GLI3: variants seen among roughly 807,000 people sequenced by gnomAD.
The protein encoded by GLI3 is transcription activator GLI3.
In GLI3, 20 loss-of-function variants were observed where a neutral mutation model predicts 100.8. That is an observed-to-expected ratio of 0.20 (90% CI 0.14 to 0.29). The LOEUF (loss-of-function observed/expected upper bound fraction) is 0.29, where lower values mean the gene tolerates loss of function less well. GLI3 is among the 10% of genes least tolerant of loss of function. The pLI, the probability that GLI3 is intolerant of heterozygous loss-of-function variation, is 1.00. For synonymous variants in GLI3, 938 were observed against 860.5 expected, an observed-to-expected ratio of 1.09 and a Z score of -1.58; for missense variants, 2,040 against 2,128.5, an observed-to-expected ratio of 0.96 and a Z score of 0.82.
At chr7:42,128,295 T>C (rs1293020031) in intron 3 of GLI3, among the ~76,000 whole-genome samples, 2 of 151,392 alleles carry the variant, frequency 1.3e-5, no homozygotes, top group East Asian at 3.9e-4. Flanking sequence ...TATCAACCTA[T>C]CATGTATTTC....
chr7:42,078,120 A>T (rs559944145), intron 3 of GLI3, among the ~76,000 whole-genome samples: 2 of 152,338 alleles, frequency 1.3e-5, no homozygotes, highest in South Asian at 4.1e-4. Flanking sequence ...AAGAATGCAC[A>T]GAGCGTCCCC....
chr7:42,245,565 C>T (rs898364558), intron 1 of GLI3, among the ~76,000 whole-genome samples: 3 of 151,962 alleles, frequency 2.0e-5, no homozygotes, highest in Non-Finnish European at 2.9e-5. Context: ...CCTTTAGTCC[C>T]AGCTACTAGG....
intron 2 of GLI3, 115 bp downstream of exon 2, chr7:42,223,015 T>C (rs931843442): frequency 3.1e-6 from 4 of 1,275,440 alleles, no homozygotes; most frequent in Non-Finnish European, 4.5e-6. Flanking sequence ...ATTTGCTTTC[T>C]TTAGCGTCTC....
At chr7:42,091,726 CAG>C (rs1405248018) in intron 3 of GLI3, among the ~76,000 whole-genome samples, 1 of 152,228 alleles carries the variant, frequency 6.6e-6, no homozygotes, top group East Asian at 1.9e-4. Context: ...ACAAAAGCCC[CAG>C]ACTGGGCTGC....
intron 1 of GLI3, among the ~76,000 whole-genome samples, chr7:42,243,052 A>G (rs1788940907): frequency 1.3e-5 from 2 of 152,316 alleles, no homozygotes; most frequent in South Asian, 2.1e-4. Flanking sequence ...AGAGGTTAAC[A>G]TGAATGATAA....
At chr7:42,250,185 G>C (rs188268962) in intron 1 of GLI3, among the ~76,000 whole-genome samples, 4 of 152,192 alleles carry the variant, frequency 2.6e-5, no homozygotes, top group Admixed American at 6.5e-5. Flanking sequence ...GTATGTGAAG[G>C]CTTACCCAAG....
intron 3 of GLI3, among the ~76,000 whole-genome samples, chr7:42,106,001 G>C (rs976977907): frequency 6.6e-6 from 1 of 152,138 alleles, no homozygotes; most frequent in Admixed American, 6.5e-5. Flanking sequence ...AGCCCCTAAA[G>C]GTTTCTCTCA....
intron 10 of GLI3, among the ~76,000 whole-genome samples, chr7:41,997,896 C>A (rs1055283152): frequency 1.3e-5 from 2 of 152,168 alleles, no homozygotes; most frequent in African/African-American, 4.8e-5. Flanking sequence ...TCCAGATGCA[C>A]TGAAAAGATT....
At chr7:42,257,334 T>C (rs1321030635) in intron 1 of GLI3, among the ~76,000 whole-genome samples, 1 of 151,722 alleles carries the variant, frequency 6.6e-6, no homozygotes, top group Non-Finnish European at 1.5e-5. Context: ...GCCCCTGATA[T>C]TAGGTGGAAA....
At chr7:42,021,903 T>C (rs846277) in intron 10 of GLI3, among the ~76,000 whole-genome samples, 137,190 of 152,304 alleles carry the variant, frequency 0.9, 61,831 homozygotes, top group East Asian at 0.99. Flanking sequence ...TATTTCCCCA[T>C]AATAAAACAA....
At chr7:42,039,159 CT>C (rs1280819226) in intron 7 of GLI3, among the ~76,000 whole-genome samples, 3 of 152,194 alleles carry the variant, frequency 2.0e-5, no homozygotes, top group Non-Finnish European at 4.4e-5. Flanking sequence ...AGAGTACTAT[CT>C]AATTCTATGT....
chr7:42,084,898 A>ATTT (rs1373503796), intron 3 of GLI3, among the ~76,000 whole-genome samples: 1 of 91,894 alleles, frequency 1.1e-5, no homozygotes, highest in African/African-American at 4.5e-5. Flanking sequence ...ATGCATTTGG[A>ATTT]TTCTTTTTTT....
At chr7:42,199,574 A>G (rs1787995940) in intron 2 of GLI3, among the ~76,000 whole-genome samples, 1 of 152,172 alleles carries the variant, frequency 6.6e-6, no homozygotes, top group African/African-American at 2.4e-5. Context: ...CAAAAGTAGA[A>G]GGTGAACAAA....
At chr7:42,078,765 A>T (rs1218407489) in intron 3 of GLI3, among the ~76,000 whole-genome samples, 6 of 134,448 alleles carry the variant, frequency 4.5e-5, no homozygotes, top group East Asian at 2.2e-4. Flanking sequence ...AGTCTCACTC[A>T]GTCACCCAGA....
chr7:42,141,665 C>A (rs1451113917), intron 3 of GLI3, among the ~76,000 whole-genome samples: 2 of 151,972 alleles, frequency 1.3e-5, no homozygotes, highest in African/African-American at 4.8e-5. Flanking sequence ...AAGCAAGACT[C>A]CGCCTCAAAA....
At chr7:42,107,909 A>G (rs753392091) in intron 3 of GLI3, among the ~76,000 whole-genome samples, 1 of 152,164 alleles carries the variant, frequency 6.6e-6, no homozygotes, top group Non-Finnish European at 1.5e-5. Context: ...TGGATTTTTT[A>G]AACTTTTTCC....
chr7:42,132,245 C>CGCCCACCATCACGCCT (rs1554332096), intron 3 of GLI3, among the ~76,000 whole-genome samples: 10 of 145,488 alleles, frequency 6.9e-5, no homozygotes, highest in African/African-American at 2.7e-4. Context: ...GGACTACAGG[C>CGCCCACCATCACGCCT]GCCCGCCACT....
At chr7:42,179,769 C>T (rs1477477606) in intron 2 of GLI3, among the ~76,000 whole-genome samples, 1 of 151,984 alleles carries the variant, frequency 6.6e-6, no homozygotes, top group Non-Finnish European at 1.5e-5. Flanking sequence ...GAATATGGTT[C>T]CAATGTTCCA....
At chr7:42,119,969 C>T (rs1040009079) in intron 3 of GLI3, among the ~76,000 whole-genome samples, 13 of 152,162 alleles carry the variant, frequency 8.5e-5, no homozygotes, top group East Asian at 3.9e-4. Flanking sequence ...CACAGACACA[C>T]GCACACACGC....
Sources: gnomAD v4.1 joint callset for allele counts (sites outside exome capture counted in the v4.1 genomes callset) on GRCh38, gnomAD v4.1.1 for gene constraint, MANE v1.5 for transcripts, NCBI Gene and HGNC (gene_info 2026-07-23, HGNC 2026-07-21) for gene names.